SGO2: variants seen among roughly 807,000 people sequenced by gnomAD.
SGO2 encodes the protein shugoshin 2.
A neutral mutation model predicts 99.5 loss-of-function variants in SGO2; 68 were observed. That is an observed-to-expected ratio of 0.68 (90% CI 0.56 to 0.84). The LOEUF is 0.84. SGO2 is among the 40% of genes least tolerant of loss of function. The pLI, the probability that SGO2 is intolerant of heterozygous loss-of-function variation, is 0.00. For missense variants in SGO2, 1,350 were observed against 1,436.7 expected, an observed-to-expected ratio of 0.94 and a Z score of 0.97; for synonymous variants, 457 against 487.1, an observed-to-expected ratio of 0.94 and a Z score of 0.81.
At chr2:200,547,926 G>T (rs1181148753) in intron 5 of SGO2, among the ~76,000 whole-genome samples, 4 of 151,544 alleles carry the variant, frequency 2.6e-5, no homozygotes, top group African/African-American at 9.7e-5. Context: ...TATGATTAAG[G>T]GGTCAATTCA....
At position 200,583,533 on chromosome 2, in the gene SGO2, C is replaced by G; in HGVS notation, c.*69C>G. 2 of 1,377,470 alleles carry G rather than the reference C, an allele frequency of 1.5e-6. No individual in the cohort carries two copies. The highest frequency in any genetic ancestry group is 2.0e-6 in the Non-Finnish European group (2 of 1,009,056). 85.3% of individuals were successfully genotyped at this position (1,377,470 alleles called of 1,614,324 possible). On this transcript the variant is annotated 3_prime_UTR_variant, in exon 9 of 9. Coordinates refer to ENST00000357799, the MANE Select transcript of SGO2 (RefSeq NM_152524.6). ...AGGAATCAAAACAGAAATATAGTAT[C>G]AAGAAGATGAAATGCTTAATGAAAA...
intron 8 of SGO2, chr2:200,576,160 C>A: frequency 6.5e-6 from 2 of 308,992 alleles, no homozygotes; most frequent in Non-Finnish European, 1.3e-5. Flanking sequence ...CAGCAGATGG[C>A]AGTAATATAA....
At position 200,571,756 on chromosome 2, in the gene SGO2, A is replaced by C. The variant is rs139435904; in HGVS notation, c.1410A>C (p.Leu470=). The change falls in exon 7 of 9, where the codon CTA becomes CTC. Residue 470 remains leucine (L), a synonymous_variant. Coordinates refer to ENST00000357799, the MANE Select transcript of SGO2 (RefSeq NM_152524.6). ...AACAGCTGGCTCAGGTGAATGAACT[A>C]AAGAAAATGACCCTTCAAACTGGCT... is the stretch of plus-strand genomic sequence containing the variant. ...MNEQLAQVNE[L]KKMTLQTGFE... is the part of the protein sequence containing the mutation. 848 of 1,613,744 alleles carry C rather than the reference A, an allele frequency of 5.3e-4. 3 individuals carry two copies. The African/African-American group carries it at 9.9e-3, about 19-fold the overall frequency.
In SGO2 at chr2:200,583,533, C is replaced by T. The variant is rs2033904158; in HGVS notation, c.*69C>T. On this transcript the variant is annotated 3_prime_UTR_variant, in exon 9 of 9. Coordinates refer to ENST00000357799, the MANE Select transcript of SGO2 (RefSeq NM_152524.6). Reference sequence around the variant, plus strand: ...AGGAATCAAAACAGAAATATAGTATCAAGAAGATGAAATGCTTAATGAAAA... The same window carrying T: ...AGGAATCAAAACAGAAATATAGTATTAAGAAGATGAAATGCTTAATGAAAA... 10 of 1,377,470 alleles carry T rather than the reference C, an allele frequency of 7.3e-6. No homozygotes were observed. Among genetic ancestry groups the T allele is most frequent in the Non-Finnish European group, 9.9e-6 (10 of 1,009,056 alleles). 85.3% of individuals were successfully genotyped at this position (1,377,470 alleles called of 1,614,324 possible).
intron 5 of SGO2, among the ~76,000 whole-genome samples, chr2:200,566,719 G>A (rs548087522): frequency 1.7e-4 from 26 of 152,278 alleles, no homozygotes; most frequent in Non-Finnish European, 2.9e-4. Flanking sequence ...GTGCTCCACC[G>A]GCTTCAAGCT....
intron 8 of SGO2, among the ~76,000 whole-genome samples, chr2:200,582,705 G>C (rs1446597789): frequency 6.6e-6 from 1 of 152,082 alleles, no homozygotes; most frequent in Non-Finnish European, 1.5e-5. Flanking sequence ...GTTTTGCACA[G>C]CCAAAGTTCC....
intron 5 of SGO2, among the ~76,000 whole-genome samples, chr2:200,547,847 T>C (rs1273884642): frequency 6.6e-6 from 1 of 151,424 alleles, no homozygotes; most frequent in Non-Finnish European, 1.5e-5. Context: ...AGAGCAAGAG[T>C]AGCTGTACTC....
intron 5 of SGO2, among the ~76,000 whole-genome samples, chr2:200,561,406 G>A (rs1035881523): frequency 3.9e-5 from 6 of 152,136 alleles, no homozygotes; most frequent in East Asian, 3.8e-4. Flanking sequence ...AGTATTCCAC[G>A]GTGTATATGT....
intron 4 of SGO2, among the ~76,000 whole-genome samples, chr2:200,536,989 A>T (rs1489649014): frequency 6.6e-6 from 1 of 152,086 alleles, no homozygotes; most frequent in Admixed American, 6.6e-5. Flanking sequence ...ATATTTTCTT[A>T]CTTTTCTTCT....
chr2:200,532,902 T>G, intron 1 of SGO2, 72 bp from the exon 2 acceptor site: 2 of 1,418,780 alleles, frequency 1.4e-6, no homozygotes, highest in Non-Finnish European at 1.9e-6. Flanking sequence ...TTGTTACTTT[T>G]TAAAATGTAT....
chr2:200,538,316 T>C (rs1352983959), intron 4 of SGO2, among the ~76,000 whole-genome samples: 1 of 152,200 alleles, frequency 6.6e-6, no homozygotes, highest in Non-Finnish European at 1.5e-5. Flanking sequence ...GGTGAGCTGC[T>C]ACCATAGTGC....
chr2:200,547,656 T>G (rs2032286799), intron 5 of SGO2, among the ~76,000 whole-genome samples: 1 of 152,214 alleles, frequency 6.6e-6, no homozygotes, highest in Non-Finnish European at 1.5e-5. Context: ...TATAGAATTC[T>G]TTTGTGGGTT....
At chr2:200,580,162 T>A (rs1175031057) in intron 8 of SGO2, among the ~76,000 whole-genome samples, 1 of 152,130 alleles carries the variant, frequency 6.6e-6, no homozygotes, top group African/African-American at 2.4e-5. Flanking sequence ...TTATTTGTAT[T>A]TCCACAGGAA....
rs548634010 is a variant in SGO2 at position 200,558,111 on chromosome 2, C to T, written c.474-11552C>T. ...TCTCTTGAACCTCGTGATCTGTCCA[C>T]CTTCGCCTTCCAAAATGCTGGGATT... On this transcript the variant is annotated intron_variant, in intron 5 of 8. Coordinates refer to ENST00000357799, the MANE Select transcript of SGO2 (RefSeq NM_152524.6). Among the ~76,000 whole-genome samples, 46 of 152,278 alleles carry T rather than the reference C, an allele frequency of 3.0e-4. 3 individuals carry two copies. Among genetic ancestry groups the T allele is most frequent in the South Asian group, 2.3e-3 (11 of 4,824 alleles).
chr2:200,572,029 C>T lies in SGO2; in HGVS notation c.1683C>T (p.Asn561=), dbSNP rs773911671. 3 of 1,613,208 alleles carry T rather than the reference C, an allele frequency of 1.9e-6. No individual in the cohort carries two copies. The highest frequency in any genetic ancestry group is 2.2e-5 in the East Asian group (1 of 44,848). The change falls in exon 7 of 9, where the codon AAC becomes AAT. Residue 561 remains asparagine, a synonymous_variant. Coordinates refer to ENST00000357799, the MANE Select transcript of SGO2 (RefSeq NM_152524.6). ...NQKDKVTIYE[N]LDVTNEFHTA... ...AGGATAAAGTAACCATTTATGAAAA[C>T]CTAGACGTCACAAATGAATTTCACA... is the stretch of plus-strand genomic sequence containing the variant.
intron 3 of SGO2, among the ~76,000 whole-genome samples, chr2:200,535,383 G>A (rs2031644202): frequency 6.6e-6 from 1 of 152,146 alleles, no homozygotes; most frequent in Admixed American, 6.5e-5. Context: ...CTTGTGTGCT[G>A]TGTAAACCAG....
In SGO2 at chr2:200,573,774, A is replaced by C. The variant is rs16833776; in HGVS notation, c.3428A>C (p.His1143Pro). The change falls in exon 7 of 9, where the codon CAT becomes CCT. Residue 1143 changes from histidine (H) to proline (P), a missense_variant. His to Pro is a moderately conservative substitution (Grantham distance 77). Transcript: ENST00000357799. ...GCATTTAGATCTTTGTCTGAGATAC[A>C]TTCACCTAACATACAAGATTCTTCC... ...TKAFRSLSEI[H>P]SPNIQDSSFD... The C allele has an allele frequency of 6.2e-7, 1 of 1,612,032 alleles. No homozygotes were observed. Among genetic ancestry groups the C allele is most frequent in the Non-Finnish European group, 8.5e-7 (1 of 1,179,012 alleles).
At chr2:200,555,282 C>G (rs1192593884) in intron 5 of SGO2, among the ~76,000 whole-genome samples, 1 of 152,044 alleles carries the variant, frequency 6.6e-6, no homozygotes, top group African/African-American at 2.4e-5. Flanking sequence ...ATCACACACA[C>G]CACACACATA....
intron 4 of SGO2, among the ~76,000 whole-genome samples, chr2:200,541,720 G>A (rs575226843): frequency 6.6e-6 from 1 of 152,306 alleles, no homozygotes; most frequent in South Asian, 2.1e-4. Context: ...ACACTGGGCT[G>A]TCCCAAGCCT....
Sources: allele counts gnomAD v4.1 joint callset (sites outside exome capture counted in the v4.1 genomes callset), GRCh38; gene constraint gnomAD v4.1.1; transcripts MANE v1.5; gene names NCBI Gene and HGNC (gene_info 2026-07-23, HGNC 2026-07-21).